C8orf34: variants seen among roughly 807,000 people sequenced by gnomAD.
The protein encoded by C8orf34 is uncharacterized protein C8orf34.
In C8orf34, 65 loss-of-function variants were observed where a neutral mutation model predicts 68.3. The ratio of observed to expected loss-of-function variants is 0.95; its 90% CI spans 0.78 to 1.17. The LOEUF is 1.17. Ranked by LOEUF, C8orf34 falls within the 50% of genes most tolerant of loss-of-function variation. The probability of loss-of-function intolerance (pLI) is 0.00; values close to 1 mark genes in which losing one functional copy is unlikely to be tolerated. For missense variants in C8orf34, 664 were observed against 655.4 expected (o/e 1.01, Z -0.14); for synonymous variants, 244 against 241.2 (o/e 1.01, Z -0.11).
chr8:68,391,440 GT>G (rs768278853), intron 1 of C8orf34, among the ~76,000 whole-genome samples: 12 of 152,168 alleles, frequency 7.9e-5, no homozygotes, highest in Non-Finnish European at 7.4e-5. Context: ...AAGGAGGCTG[GT>G]TTAAGAGCAT....
rs142574840 is a variant in C8orf34 at position 68,454,612 on chromosome 8, G to A, written c.607+8152G>A. Among the ~76,000 whole-genome samples the A allele has an allele frequency of 2.2e-3, 330 of 151,922 alleles. 1 individual carries two copies. Among genetic ancestry groups the A allele is most frequent in the African/African-American group, 7.1e-3 (295 of 41,492 alleles). Reference sequence around the variant, plus strand: ...AAGTTTGTAGTAATGTCTCACTTTTGTTTCTAATTTTAATAATTTGAGTTT... The same window carrying A: ...AAGTTTGTAGTAATGTCTCACTTTTATTTCTAATTTTAATAATTTGAGTTT... On this transcript the variant is annotated intron_variant, in intron 3 of 13. Transcript: ENST00000518698.
intron 5 of C8orf34, among the ~76,000 whole-genome samples, chr8:68,519,345 A>T (rs1814652212): frequency 6.6e-6 from 1 of 152,216 alleles, no homozygotes; most frequent in South Asian, 2.1e-4. Flanking sequence ...CAAATTTCGT[A>T]TACATATGTG....
At chr8:68,628,094 T>A (rs538385444) in intron 7 of C8orf34, among the ~76,000 whole-genome samples, 1 of 152,318 alleles carries the variant, frequency 6.6e-6, no homozygotes, top group African/African-American at 2.4e-5. Context: ...CTTACTCTTA[T>A]GTTATTAAAA....
At chr8:68,520,575 C>T (rs894138780) in intron 5 of C8orf34, among the ~76,000 whole-genome samples, 4 of 151,822 alleles carry the variant, frequency 2.6e-5, no homozygotes, top group Non-Finnish European at 4.4e-5. Flanking sequence ...CTCAGCCTCC[C>T]GAGTAGCTGG....
intron 8 of C8orf34, among the ~76,000 whole-genome samples, chr8:68,707,037 T>C (rs1252915391): frequency 6.6e-6 from 1 of 152,170 alleles, no homozygotes; most frequent in Non-Finnish European, 1.5e-5. Context: ...CAAAAAGCTT[T>C]GGGAGTAGGA....
chr8:68,556,824 G>A (rs1382587747), intron 7 of C8orf34, among the ~76,000 whole-genome samples: 1 of 152,164 alleles, frequency 6.6e-6, no homozygotes, highest in African/African-American at 2.4e-5. Flanking sequence ...AGTTAATGGT[G>A]ATTGAATTTC....
intron 1 of C8orf34, among the ~76,000 whole-genome samples, chr8:68,414,076 T>C (rs1326144294): frequency 6.6e-6 from 1 of 152,194 alleles, no homozygotes; most frequent in Non-Finnish European, 1.5e-5. Context: ...AATTTTTGAA[T>C]GTCTGATTCT....
intron 12 of C8orf34, among the ~76,000 whole-genome samples, chr8:68,794,352 G>A (rs1824101922): frequency 6.7e-6 from 1 of 149,366 alleles, no homozygotes; most frequent in Non-Finnish European, 1.5e-5. Context: ...TTTTATTTTT[G>A]TAGAAACAAG....
intron 6 of C8orf34, among the ~76,000 whole-genome samples, chr8:68,525,288 T>C (rs184458358): frequency 4.7e-4 from 71 of 152,328 alleles, no homozygotes; most frequent in Non-Finnish European, 8.4e-4. Flanking sequence ...TTTAGTAATT[T>C]AGAAATAATC....
intron 1 of C8orf34, among the ~76,000 whole-genome samples, chr8:68,403,460 G>A (rs373119410): frequency 9.9e-5 from 15 of 152,230 alleles, no homozygotes; most frequent in Admixed American, 3.3e-4. Context: ...AGGTATACAC[G>A]TGCCATGGTG....
In C8orf34 at chr8:68,585,373, A is replaced by T. The variant is rs143067036; in HGVS notation, c.1105+52224A>T. 6.6e-5 allele frequency among the ~76,000 whole-genome samples: 10 copies of T among 152,296 alleles called. No homozygotes were observed. The East Asian group carries it at 1.9e-3, about 29-fold the overall frequency. On this transcript the variant is annotated intron_variant, in intron 7 of 13. Coordinates refer to ENST00000518698, the MANE Select transcript of C8orf34 (RefSeq NM_052958.4). The stretch of plus-strand genomic sequence containing the variant: ...TAATTTACAAATTAGTTTGGTGAAG[A>T]ATGGCTTAAAAGACATTTTCAGTAT...
intron 10 of C8orf34, among the ~76,000 whole-genome samples, chr8:68,772,868 TTTCCTTCCTTCC>T (rs370121635): frequency 6.6e-6 from 1 of 150,388 alleles, no homozygotes; most frequent in Non-Finnish European, 1.5e-5. Context: ...TCCTTCCTTC[TTTCCTTCCTTCC>T]TTCCTTCCTT....
chr8:68,500,824 T>G (rs1284829547), intron 5 of C8orf34, among the ~76,000 whole-genome samples: 1 of 152,178 alleles, frequency 6.6e-6, no homozygotes, highest in African/African-American at 2.4e-5. Flanking sequence ...TTTTGCAACT[T>G]TTCTGGAAGT....
chr8:68,691,488 A>T lies in C8orf34; in HGVS notation c.1242-17506A>T, dbSNP rs146407154. Among the ~76,000 whole-genome samples, 1,295 of 152,188 alleles carry T rather than the reference A, an allele frequency of 8.5e-3. 19 individuals carry two copies. The highest frequency in any genetic ancestry group is 0.03 in the African/African-American group (1,238 of 41,550). On this transcript the variant is annotated intron_variant, in intron 8 of 13. Coordinates refer to ENST00000518698, the MANE Select transcript of C8orf34 (RefSeq NM_052958.4). ...GAACAGAACCCACATTATCTACAAA[A>T]TATTCCTATTAAACAAATGACTTCA...
At chr8:68,660,101 G>A (rs988030863) in intron 8 of C8orf34, among the ~76,000 whole-genome samples, 1 of 152,156 alleles carries the variant, frequency 6.6e-6, no homozygotes, top group Non-Finnish European at 1.5e-5. Context: ...TCCAAGGGGA[G>A]TGTCTGTGGT....
At chr8:68,665,292 T>A (rs969278836) in intron 8 of C8orf34, among the ~76,000 whole-genome samples, 6 of 152,250 alleles carry the variant, frequency 3.9e-5, no homozygotes, top group African/African-American at 1.4e-4. Flanking sequence ...ATGAGAATTA[T>A]GTGAATATTT....
At chr8:68,407,769 T>C (rs1809263315) in intron 1 of C8orf34, among the ~76,000 whole-genome samples, 1 of 152,242 alleles carries the variant, frequency 6.6e-6, no homozygotes. Context: ...TATTTTCATT[T>C]GTCAACAGAT....
At chr8:68,782,253 C>A (rs967491149) in intron 11 of C8orf34, among the ~76,000 whole-genome samples, 1 of 152,032 alleles carries the variant, frequency 6.6e-6, no homozygotes, top group Non-Finnish European at 1.5e-5. Context: ...AATTTTACTT[C>A]TGTTATCTTC....
intron 10 of C8orf34, among the ~76,000 whole-genome samples, chr8:68,764,170 G>A (rs1823102839): frequency 6.6e-6 from 1 of 152,218 alleles, no homozygotes; most frequent in Admixed American, 6.5e-5. Context: ...GTACAGTGCA[G>A]GGTGTGAGGA....
Sources: allele counts gnomAD v4.1 joint callset (sites outside exome capture counted in the v4.1 genomes callset), GRCh38; gene constraint gnomAD v4.1.1; transcripts MANE v1.5; gene names NCBI Gene and HGNC (gene_info 2026-07-23, HGNC 2026-07-21).